The following TMEM117 variants were observed in gnomAD, a reference collection of about 807,000 sequenced individuals.
The protein encoded by TMEM117 is transmembrane protein 117.
A neutral mutation model predicts 52.4 loss-of-function variants in TMEM117; 27 were observed. The ratio of observed to expected loss-of-function variants is 0.51; its 90% CI spans 0.38 to 0.71. The LOEUF is 0.71. Among genes scored for constraint, TMEM117 ranks in the 30% least tolerant of loss-of-function variants. The pLI is 0.00. For synonymous variants in TMEM117, 215 were observed against 206.3 expected (o/e 1.04, Z -0.36); for missense variants, 556 against 630.5 (o/e 0.88, Z 1.26).
intron 1 of TMEM117, among the ~76,000 whole-genome samples, chr12:43,837,522 T>G (rs557799831): frequency 6.6e-6 from 1 of 152,142 alleles, no homozygotes; most frequent in Admixed American, 6.5e-5. Flanking sequence ...AATTTTTGTA[T>G]TTTTAGTAGA....
intron 2 of TMEM117, among the ~76,000 whole-genome samples, chr12:43,901,372 G>A (rs771841320): frequency 6.6e-5 from 10 of 152,086 alleles, no homozygotes; most frequent in Middle Eastern, 3.4e-3. Context: ...GTGCAGTAGC[G>A]TAATCTCGGC....
chr12:44,212,476 G>T (rs77797692), intron 5 of TMEM117, among the ~76,000 whole-genome samples: 1,528 of 152,090 alleles, frequency 0.01, 10 homozygotes, highest in African/African-American at 0.016. Context: ...TAAGTGAAAA[G>T]GTGAAAGTTC....
chr12:44,340,191 G>T (rs878965659), intron 6 of TMEM117, among the ~76,000 whole-genome samples: 1 of 151,908 alleles, frequency 6.6e-6, no homozygotes. Flanking sequence ...AACAAATGTT[G>T]GATCACAACC....
At chr12:44,302,002 T>C (rs1950846668) in intron 6 of TMEM117, among the ~76,000 whole-genome samples, 1 of 152,200 alleles carries the variant, frequency 6.6e-6, no homozygotes, top group Non-Finnish European at 1.5e-5. Context: ...TCTTAACTTC[T>C]TCTTTTCTGT....
At chr12:43,851,740 A>G (rs1218892801) in intron 2 of TMEM117, among the ~76,000 whole-genome samples, 1 of 152,208 alleles carries the variant, frequency 6.6e-6, no homozygotes, top group Non-Finnish European at 1.5e-5. Context: ...TGGGTTTCAA[A>G]ACCTTGCTTG....
chr12:43,886,695 T>C (rs1000994862), intron 2 of TMEM117, among the ~76,000 whole-genome samples: 1 of 152,142 alleles, frequency 6.6e-6, no homozygotes, highest in African/African-American at 2.4e-5. Context: ...TAAATGTGTG[T>C]CAAGGGGGTT....
intron 3 of TMEM117, among the ~76,000 whole-genome samples, chr12:44,058,925 G>A (rs1592481388): frequency 6.6e-6 from 1 of 152,160 alleles, no homozygotes. Flanking sequence ...GCCAGGGACC[G>A]GTTTTATGGA....
intron 5 of TMEM117, among the ~76,000 whole-genome samples, chr12:44,294,047 A>G (rs1336159391): frequency 1.3e-5 from 2 of 152,108 alleles, no homozygotes; most frequent in African/African-American, 4.8e-5. Flanking sequence ...TCTCTCCTAC[A>G]TTTCTGAAAG....
rs1256382218 is a variant in TMEM117 at position 44,299,670 on chromosome 12, C to T, written c.699C>T (p.Pro233=). ...ACAAGCTGAATCGGGGATTTTTGCC[C>T]AGTGATGAAGTTTCCAGAGCATTCC... ...SWDKLNRGFL[P]SDEVSRAFLA... is the part of the protein sequence containing the mutation. The change falls in exon 6 of 8, where the codon CCC becomes CCT. Residue 233 remains proline, a synonymous_variant. Transcript: ENST00000266534. 1 of 1,614,152 alleles carries T rather than the reference C, an allele frequency of 6.2e-7. No individual in the cohort carries two copies. Among genetic ancestry groups the T allele is most frequent in the South Asian group, 1.1e-5 (1 of 91,070 alleles).
intron 3 of TMEM117, among the ~76,000 whole-genome samples, chr12:44,097,217 A>C (rs1015811365): frequency 4.6e-5 from 7 of 152,264 alleles, no homozygotes; most frequent in African/African-American, 1.7e-4. Flanking sequence ...AGGAAACAAC[A>C]GGTGCTGGAG....
At position 44,381,286 on chromosome 12, in the gene TMEM117, C is replaced by A. The variant is rs537600244; in HGVS notation, c.898+4562C>A. Among the ~76,000 whole-genome samples the A allele has an allele frequency of 1.6e-3, 238 of 152,270 alleles. 3 individuals carry two copies. The highest frequency in any genetic ancestry group is 5.3e-3 in the African/African-American group (222 of 41,562). On this transcript the variant is annotated intron_variant, in intron 7 of 7. Transcript: ENST00000266534. The stretch of plus-strand genomic sequence containing the variant: ...TTTAGCCCAAGTTCATTGTTCTCCT[C>A]CTAAAAGTAAACCCTAAAAGCAACT...
rs1052211415 is a variant in TMEM117, at chr12:44,212,284, A to G, written c.608+897A>G. Among the ~76,000 whole-genome samples, 4 of 152,146 alleles carry G rather than the reference A, an allele frequency of 2.6e-5. 1 individual carries two copies. The highest frequency in any genetic ancestry group is 7.2e-5 in the African/African-American group (3 of 41,436). Reference sequence around the variant, plus strand: ...TCGTCTCTTTGTCTAGCGTCTATCCATGCTGTCGATGCTACCTGCCCTTTA... The same window carrying G: ...TCGTCTCTTTGTCTAGCGTCTATCCGTGCTGTCGATGCTACCTGCCCTTTA... On this transcript the variant is annotated intron_variant, in intron 5 of 7. Transcript: ENST00000266534.
chr12:43,913,495 C>T (rs562042308), intron 2 of TMEM117, among the ~76,000 whole-genome samples: 1 of 152,134 alleles, frequency 6.6e-6, no homozygotes, highest in Admixed American at 6.6e-5. Flanking sequence ...AGGGAACTAA[C>T]AGAGAGGGAC....
intron 3 of TMEM117, among the ~76,000 whole-genome samples, chr12:43,969,317 A>C (rs1592402268): frequency 7.0e-6 from 1 of 143,674 alleles, no homozygotes; most frequent in African/African-American, 2.6e-5. Context: ...TCAGGAGTTC[A>C]AGACCAGCCT....
At chr12:43,953,005 A>G (rs1215272364) in intron 3 of TMEM117, among the ~76,000 whole-genome samples, 1 of 152,176 alleles carries the variant, frequency 6.6e-6, no homozygotes, top group Non-Finnish European at 1.5e-5. Flanking sequence ...TTCTTAAAGA[A>G]AAGAAATTCC....
At chr12:43,805,974 T>G in the TMEM117 span, 1 of 1,544,828 alleles carries the variant, frequency 6.5e-7, no homozygotes, top group South Asian at 1.1e-5. Context: ...AAAGCCAATT[T>G]CCTTCGCTCC....
chr12:43,859,309 T>G (rs1943449264), intron 2 of TMEM117, among the ~76,000 whole-genome samples: 1 of 151,822 alleles, frequency 6.6e-6, no homozygotes, highest in Non-Finnish European at 1.5e-5. Flanking sequence ...CAGTGTAGAG[T>G]GTGAACAGGC....
chr12:43,913,918 A>G (rs1371928924), intron 2 of TMEM117, among the ~76,000 whole-genome samples: 2 of 152,308 alleles, frequency 1.3e-5, no homozygotes, highest in African/African-American at 4.8e-5. Flanking sequence ...AAGTAGGACA[A>G]AAGTTCTCAT....
At chr12:43,847,869 G>C (rs1943236534) in intron 2 of TMEM117, among the ~76,000 whole-genome samples, 1 of 152,132 alleles carries the variant, frequency 6.6e-6, no homozygotes, top group Admixed American at 6.5e-5. Flanking sequence ...TTTTCCATAA[G>C]TGTTGGCCGG....
Sources: gnomAD v4.1 joint callset for allele counts (sites outside exome capture counted in the v4.1 genomes callset) on GRCh38, gnomAD v4.1.1 for gene constraint, MANE v1.5 for transcripts, NCBI Gene and HGNC (gene_info 2026-07-23, HGNC 2026-07-21) for gene names.